CNTNAP2: variants seen among roughly 807,000 people sequenced by gnomAD.
CNTNAP2 encodes the protein contactin-associated protein-like 2.
In CNTNAP2, 98 loss-of-function variants were observed where a neutral mutation model predicts 155.2. That is an observed-to-expected ratio of 0.63 (90% CI 0.54 to 0.75). The LOEUF is 0.75. CNTNAP2 is among the 30% of genes least tolerant of loss of function. The pLI, the probability that CNTNAP2 is intolerant of heterozygous loss-of-function variation, is 0.00. For synonymous variants in CNTNAP2, 651 were observed against 631.2 expected (o/e 1.03, Z -0.47); for missense variants, 1,727 against 1,688.1 (o/e 1.02, Z -0.40).
chr7:147,053,967 G>T (rs113912127), intron 4 of CNTNAP2, among the ~76,000 whole-genome samples: 34 of 152,168 alleles, frequency 2.2e-4, no homozygotes, highest in Non-Finnish European at 4.0e-4. Context: ...TTTTACTAAC[G>T]AGGAAACCAA....
intron 1 of CNTNAP2, among the ~76,000 whole-genome samples, chr7:146,315,276 A>G (rs1800888550): frequency 6.6e-6 from 1 of 152,078 alleles, no homozygotes; most frequent in African/African-American, 2.4e-5. Flanking sequence ...AAATCTCCCA[A>G]TGTGCTGTCT....
intron 2 of CNTNAP2, among the ~76,000 whole-genome samples, chr7:146,776,502 C>A (rs1802392479): frequency 6.6e-6 from 1 of 152,104 alleles, no homozygotes; most frequent in Non-Finnish European, 1.5e-5. Context: ...CCATATAAGA[C>A]CTCGACTAAA....
chr7:148,021,350 C>G (rs1802276142), intron 15 of CNTNAP2, among the ~76,000 whole-genome samples: 1 of 152,178 alleles, frequency 6.6e-6, no homozygotes, highest in African/African-American at 2.4e-5. Context: ...AGAAGGAAGA[C>G]ACAGTCTTGT....
At chr7:147,006,511 T>G (rs953587348) in intron 3 of CNTNAP2, among the ~76,000 whole-genome samples, 11 of 151,986 alleles carry the variant, frequency 7.2e-5, no homozygotes, top group Non-Finnish European at 1.6e-4. Context: ...AGAGGTGTAT[T>G]TTGGGGTTGC....
intron 1 of CNTNAP2, among the ~76,000 whole-genome samples, chr7:146,176,045 A>G (rs1798465387): frequency 6.6e-6 from 1 of 152,216 alleles, no homozygotes; most frequent in Non-Finnish European, 1.5e-5. Context: ...CCCTTGGGGA[A>G]ATTTACATAC....
intron 17 of CNTNAP2, among the ~76,000 whole-genome samples, chr7:148,160,053 A>G (rs894689423): frequency 5.9e-5 from 9 of 152,194 alleles, no homozygotes; most frequent in African/African-American, 2.2e-4. Flanking sequence ...AGCCCGGGCA[A>G]CATGGTGAAA....
intron 12 of CNTNAP2, among the ~76,000 whole-genome samples, chr7:147,596,608 GC>G (rs1800831466): frequency 6.6e-6 from 1 of 151,988 alleles, no homozygotes; most frequent in Non-Finnish European, 1.5e-5. Flanking sequence ...CATTCATTCA[GC>G]CTTTTGTTTT....
intron 8 of CNTNAP2, among the ~76,000 whole-genome samples, chr7:147,299,140 C>G (rs547202526): frequency 6.6e-6 from 1 of 152,190 alleles, no homozygotes; most frequent in Non-Finnish European, 1.5e-5. Context: ...CACCCACCAC[C>G]TTGTCATAGC....
intron 1 of CNTNAP2, among the ~76,000 whole-genome samples, chr7:146,678,299 C>G (rs1358085079): frequency 6.6e-6 from 1 of 151,956 alleles, no homozygotes; most frequent in African/African-American, 2.4e-5. Flanking sequence ...GTCTCAAGCT[C>G]CTGCCCTCAA....
intron 1 of CNTNAP2, among the ~76,000 whole-genome samples, chr7:146,418,229 G>C (rs1192680574): frequency 6.6e-6 from 1 of 152,182 alleles, no homozygotes; most frequent in Non-Finnish European, 1.5e-5. Flanking sequence ...AATGGTCTCA[G>C]CCTGGAGTTC....
chr7:148,291,236 G>A (rs1183130796), intron 21 of CNTNAP2, among the ~76,000 whole-genome samples: 1 of 151,352 alleles, frequency 6.6e-6, no homozygotes, highest in East Asian at 1.9e-4. Flanking sequence ...AAGTATGTAA[G>A]TGATCAGCAT....
At chr7:148,351,744 C>CAAAAAAAAAAAAAAAAA (rs71188974) in intron 21 of CNTNAP2, among the ~76,000 whole-genome samples, 98 of 85,336 alleles carry the variant, frequency 1.1e-3, no homozygotes, top group African/African-American at 1.7e-3. Context: ...CTCTGTCTCA[C>CAAAAAAAAAAAAAAAAA]AAAAAAAAAA....
rs1464838300 is a variant in CNTNAP2, at chr7:146,525,573, TATCTCTCTATCTATC to T, written c.98-248693_98-248679del. Reference sequence around the variant, plus strand: ...CTATCTATCTATCTATCTATCTATCTATCTCTCTATCTATCATCTATCTATCATCTTGATGTATTG... The same window carrying T: ...CTATCTATCTATCTATCTATCTATCTATCTATCTATCATCTTGATGTATTG... On this transcript the variant is annotated intron_variant, in intron 1 of 23. Coordinates refer to ENST00000361727, the MANE Select transcript of CNTNAP2 (RefSeq NM_014141.6). Among the ~76,000 whole-genome samples the T allele has an allele frequency of 8.0e-3, 1,093 of 136,724 alleles. 11 individuals are homozygous for T. Among genetic ancestry groups the T allele is most frequent in the African/African-American group, 0.036 (1,003 of 27,514 alleles). 89.7% of individuals were successfully genotyped at this position (136,724 alleles called of 152,430 possible). A position where few individuals can be genotyped will look rare whatever the true frequency, so the allele number is the denominator to read the frequency against.
chr7:148,069,529 G>C (rs560752891), intron 15 of CNTNAP2, among the ~76,000 whole-genome samples: 2 of 152,046 alleles, frequency 1.3e-5, no homozygotes, highest in African/African-American at 4.8e-5. Context: ...TTGGGAGGCC[G>C]AGGCAGGCGG....
chr7:146,450,765 A>AT (rs1347845896), intron 1 of CNTNAP2, among the ~76,000 whole-genome samples: 1 of 152,036 alleles, frequency 6.6e-6, no homozygotes, highest in African/African-American at 2.4e-5. Context: ...CTTATCTTCA[A>AT]TTTTTTTCCT....
In CNTNAP2 at chr7:147,902,589, C is replaced by T. The variant is rs181472307; in HGVS notation, c.2099-976C>T. 1.1e-4 allele frequency among the ~76,000 whole-genome samples: 16 copies of T among 152,212 alleles called. No homozygotes were observed. The East Asian group carries it at 3.1e-3, about 29-fold the overall frequency. On this transcript the variant is annotated intron_variant, in intron 13 of 23. Transcript: ENST00000361727. ...CCCTTTCACCCTGAGTCCCCAAAGT[C>T]CTTGTATCATTCTTCTGCCTTTGCA...
At chr7:146,741,990 C>T (rs1273693215) in intron 1 of CNTNAP2, among the ~76,000 whole-genome samples, 1 of 151,460 alleles carries the variant, frequency 6.6e-6, no homozygotes, top group Non-Finnish European at 1.5e-5. Context: ...TTTTTCAAGC[C>T]ATATAATAAA....
chr7:147,460,187 GC>G (rs1797997095), intron 10 of CNTNAP2, among the ~76,000 whole-genome samples: 1 of 151,988 alleles, frequency 6.6e-6, no homozygotes, highest in Non-Finnish European at 1.5e-5. Context: ...ACAGAGAGCG[GC>G]CAGGACCCCA....
intron 1 of CNTNAP2, among the ~76,000 whole-genome samples, chr7:146,511,968 A>G (rs1255861664): frequency 6.6e-6 from 1 of 152,046 alleles, no homozygotes; most frequent in Non-Finnish European, 1.5e-5. Context: ...TGGTCTGTTC[A>G]GATGTTCTAT....
Sources: gnomAD v4.1 joint callset for allele counts (sites outside exome capture counted in the v4.1 genomes callset) on GRCh38, gnomAD v4.1.1 for gene constraint, MANE v1.5 for transcripts, NCBI Gene and HGNC (gene_info 2026-07-23, HGNC 2026-07-21) for gene names.